The following DLGAP1 variants were observed in gnomAD, a reference collection of about 807,000 sequenced individuals.
DLGAP1 encodes DLG associated protein 1, also known as disks large-associated protein 1.
A neutral mutation model predicts 90.8 loss-of-function variants in DLGAP1; 11 were observed. That is an observed-to-expected ratio of 0.12 (90% CI 0.08 to 0.20). The LOEUF (loss-of-function observed/expected upper bound fraction) is 0.20. DLGAP1 is among the 10% of genes least tolerant of loss of function. The pLI is 1.00. For missense variants in DLGAP1, 1,050 were observed against 1,333.8 expected, an observed-to-expected ratio of 0.79 and a Z score of 3.31; for synonymous variants, 558 against 540.7, an observed-to-expected ratio of 1.03 and a Z score of -0.44.
intron 3 of DLGAP1, among the ~76,000 whole-genome samples, chr18:3,940,270 A>G (rs1229271190): frequency 2.0e-5 from 3 of 152,196 alleles, no homozygotes; most frequent in African/African-American, 7.2e-5. Context: ...AAGTTTACAG[A>G]TGAGTCCTGC....
chr18:4,385,829 A>G (rs946702532), intron 1 of DLGAP1, among the ~76,000 whole-genome samples: 1 of 152,192 alleles, frequency 6.6e-6, no homozygotes, highest in Non-Finnish European at 1.5e-5. Context: ...GCCATGTGGA[A>G]TCCAGTTAGA....
At chr18:3,921,278 C>A in intron 3 of DLGAP1, among the ~76,000 whole-genome samples, 1 of 152,086 alleles carries the variant, frequency 6.6e-6, no homozygotes, top group East Asian at 1.9e-4. Flanking sequence ...GAGAAGACAA[C>A]TTTAAAGTCC....
intron 3 of DLGAP1, among the ~76,000 whole-genome samples, chr18:3,945,991 T>G (rs1568313407): frequency 6.6e-6 from 1 of 152,190 alleles, no homozygotes; most frequent in Non-Finnish European, 1.5e-5. Flanking sequence ...TTCTAGAAAT[T>G]GATTCTTAAA....
chr18:4,205,510 T>C (rs12954977), intron 1 of DLGAP1, among the ~76,000 whole-genome samples: 68,101 of 152,136 alleles, frequency 0.45, 16,633 homozygotes, highest in East Asian at 0.75. Flanking sequence ...TTTCTCTTTT[T>C]GAGACAGGGT....
chr18:4,223,954 G>T (rs1229169423), intron 1 of DLGAP1, among the ~76,000 whole-genome samples: 1 of 152,166 alleles, frequency 6.6e-6, no homozygotes, highest in Non-Finnish European at 1.5e-5. Context: ...TCAGATAATA[G>T]CTTCAATCAT....
At chr18:3,753,766 C>T (rs1476631856) in intron 5 of DLGAP1, among the ~76,000 whole-genome samples, 1 of 152,150 alleles carries the variant, frequency 6.6e-6, no homozygotes, top group Non-Finnish European at 1.5e-5. Flanking sequence ...AGGTGGAAGA[C>T]TTGTTGGCTT....
At chr18:3,903,482 AT>A (rs2071829745) in intron 3 of DLGAP1, among the ~76,000 whole-genome samples, 1 of 152,246 alleles carries the variant, frequency 6.6e-6, no homozygotes, top group African/African-American at 2.4e-5. Flanking sequence ...GGATTTACGT[AT>A]GACTAGCACA....
chr18:4,263,025 C>T (rs1039609332), intron 1 of DLGAP1, among the ~76,000 whole-genome samples: 11 of 152,038 alleles, frequency 7.2e-5, no homozygotes, highest in East Asian at 1.9e-4. Flanking sequence ...CTCTGCCTCC[C>T]GTGTTCAAGC....
At chr18:3,633,855 T>C (rs114120449) in intron 7 of DLGAP1, among the ~76,000 whole-genome samples, 1,557 of 152,292 alleles carry the variant, frequency 0.01, 33 homozygotes, top group African/African-American at 0.036. Flanking sequence ...TGAATACTAC[T>C]TGAATTTCCA....
At chr18:4,218,949 T>C (rs1159490972) in intron 1 of DLGAP1, among the ~76,000 whole-genome samples, 1 of 151,802 alleles carries the variant, frequency 6.6e-6, no homozygotes, top group Non-Finnish European at 1.5e-5. Flanking sequence ...AGTGCAGATA[T>C]CTCTTTGATA....
intron 3 of DLGAP1, among the ~76,000 whole-genome samples, chr18:3,956,384 C>T (rs1333758632): frequency 6.6e-6 from 1 of 152,090 alleles, no homozygotes; most frequent in African/African-American, 2.4e-5. Flanking sequence ...GAGTCTCGCT[C>T]TGTCGCCCAG....
rs781404946 is a variant in DLGAP1, at chr18:4,311,630, T to G, written c.-267+143376A>C. On this transcript the variant is annotated intron_variant, in intron 1 of 12. Transcript: ENST00000315677. ...TTAGTGGATCATTGAGCATTTCCTCTTCTTGAACATTTTCAGTAGTGTACT... is the reference window on the plus strand; with the variant it reads ...TTAGTGGATCATTGAGCATTTCCTCGTCTTGAACATTTTCAGTAGTGTACT... Among the ~76,000 whole-genome samples the G allele has an allele frequency of 3.2e-4, 48 of 152,198 alleles. 1 individual carries two copies. Among genetic ancestry groups the G allele is most frequent in the Admixed American group, 9.8e-4 (15 of 15,270 alleles).
chr18:4,441,763 G>A (rs2083540734), intron 1 of DLGAP1, among the ~76,000 whole-genome samples: 1 of 152,202 alleles, frequency 6.6e-6, no homozygotes, highest in African/African-American at 2.4e-5. Context: ...GGTATATCTT[G>A]CATGCTACTA....
In DLGAP1 at chr18:3,733,627, G is replaced by A. The variant is rs138846389; in HGVS notation, c.1351-4252C>T. Among the ~76,000 whole-genome samples, 683 of 152,248 alleles carry A rather than the reference G, an allele frequency of 4.5e-3. 6 individuals are homozygous for A. Among genetic ancestry groups the A allele is most frequent in the African/African-American group, 0.016 (652 of 41,546 alleles). ...ATGGGTCTATCAGGGATGTAATCCC[G>A]TTGTAAGTAGAGGAGCATCTGTAGT... On this transcript the variant is annotated intron_variant, in intron 6 of 12. Coordinates refer to ENST00000315677, the MANE Select transcript of DLGAP1 (RefSeq NM_004746.4).
In DLGAP1 at chr18:3,505,965, G is replaced by A. The variant is rs148739436; in HGVS notation, c.2571+2605C>T. Reference sequence around the variant, plus strand: ...ATCTGCAAATTTTTGGGCCAGGTGCGGTGGCTCACACCTGTAATCCCAACA... The same window carrying A: ...ATCTGCAAATTTTTGGGCCAGGTGCAGTGGCTCACACCTGTAATCCCAACA... On this transcript the variant is annotated intron_variant, in intron 11 of 12. Transcript: ENST00000315677. Among the ~76,000 whole-genome samples, 1,158 of 152,266 alleles carry A rather than the reference G, an allele frequency of 7.6e-3. 8 individuals carry two copies. The highest frequency in any genetic ancestry group is 0.013 in the Non-Finnish European group (907 of 68,012).
At chr18:3,922,937 A>G (rs1364853843) in intron 3 of DLGAP1, among the ~76,000 whole-genome samples, 2 of 152,046 alleles carry the variant, frequency 1.3e-5, no homozygotes, top group African/African-American at 2.4e-5. Context: ...GTCTGAGACC[A>G]GCCCAGCCAA....
intron 1 of DLGAP1, among the ~76,000 whole-genome samples, chr18:4,164,721 A>G (rs1230943921): frequency 6.6e-6 from 1 of 152,082 alleles, no homozygotes; most frequent in Non-Finnish European, 1.5e-5. Context: ...AACAACAACA[A>G]CCAAAAAACA....
chr18:4,245,091 G>A (rs1004693888), intron 1 of DLGAP1, among the ~76,000 whole-genome samples: 1 of 152,196 alleles, frequency 6.6e-6, no homozygotes, highest in African/African-American at 2.4e-5. Flanking sequence ...TGTGATAGCT[G>A]TGGTCTGCTA....
At chr18:3,797,185 A>G (rs2066037131) in intron 5 of DLGAP1, among the ~76,000 whole-genome samples, 1 of 152,128 alleles carries the variant, frequency 6.6e-6, no homozygotes, top group South Asian at 2.1e-4. Flanking sequence ...ACAAAAAATT[A>G]GCTGGGCGTG....
Sources: gnomAD v4.1 joint callset for allele counts (sites outside exome capture counted in the v4.1 genomes callset) on GRCh38, gnomAD v4.1.1 for gene constraint, MANE v1.5 for transcripts, NCBI Gene and HGNC (gene_info 2026-07-23, HGNC 2026-07-21) for gene names.